ANGPT1: variants seen among roughly 807,000 people sequenced by gnomAD.
The protein encoded by ANGPT1 is angiopoietin-1.
Under a neutral mutation model 62.2 loss-of-function variants are expected in ANGPT1, and 17 were observed. That is an observed-to-expected ratio of 0.27 (90% confidence interval 0.19 to 0.41). The LOEUF (loss-of-function observed/expected upper bound fraction) is 0.41, where lower values mean the gene tolerates loss of function less well. Among genes scored for constraint, ANGPT1 ranks in the 10% least tolerant of loss-of-function variants. ANGPT1 has a pLI of 1.00. For missense variants in ANGPT1, 478 were observed against 594.9 expected, an observed-to-expected ratio of 0.80 and a Z score of 2.04; for synonymous variants, 199 against 198.9, an observed-to-expected ratio of 1.00 and a Z score of 0.00.
At chr8:107,404,991 T>C (rs773485342) in intron 1 of ANGPT1, among the ~76,000 whole-genome samples, 37 of 152,078 alleles carry the variant, frequency 2.4e-4, no homozygotes, top group Non-Finnish European at 4.7e-4. Context: ...TGCATTTATA[T>C]TGGGCTATTA....
chr8:107,348,786 T>C (rs558954484), intron 1 of ANGPT1, among the ~76,000 whole-genome samples: 4 of 152,164 alleles, frequency 2.6e-5, no homozygotes, highest in African/African-American at 9.7e-5. Context: ...AACTTTCTTT[T>C]GGGAAGTTAT....
chr8:107,360,279 C>T (rs924665529), intron 1 of ANGPT1, among the ~76,000 whole-genome samples: 5 of 152,148 alleles, frequency 3.3e-5, no homozygotes, highest in Non-Finnish European at 7.3e-5. Context: ...GAGGTAAGGT[C>T]TTGAGGTTCT....
At chr8:107,386,975 A>G (rs575715319) in intron 1 of ANGPT1, among the ~76,000 whole-genome samples, 29 of 152,214 alleles carry the variant, frequency 1.9e-4, no homozygotes, top group African/African-American at 6.5e-4. Context: ...GACACAAACT[A>G]TGTGCCAGCT....
intron 1 of ANGPT1, among the ~76,000 whole-genome samples, chr8:107,411,739 A>G (rs1279569010): frequency 1.3e-5 from 2 of 152,180 alleles, no homozygotes. Flanking sequence ...TAGGAGACAT[A>G]TTGGCTCAGA....
intron 7 of ANGPT1, among the ~76,000 whole-genome samples, chr8:107,266,409 C>T (rs1302170210): frequency 6.6e-6 from 1 of 152,174 alleles, no homozygotes; most frequent in Non-Finnish European, 1.5e-5. Context: ...ATGGTGGGGA[C>T]CCAGTCTCAT....
chr8:107,308,107 A>G (rs1313987025), intron 4 of ANGPT1, among the ~76,000 whole-genome samples: 1 of 152,226 alleles, frequency 6.6e-6, no homozygotes, highest in African/African-American at 2.4e-5. Flanking sequence ...ATATTGATGG[A>G]CATTTGCTAT....
intron 3 of ANGPT1, among the ~76,000 whole-genome samples, chr8:107,330,413 G>A (rs186455745): frequency 1.3e-5 from 2 of 152,252 alleles, no homozygotes; most frequent in South Asian, 2.1e-4. Context: ...AACTATTAGC[G>A]TGTATCCTCT....
In ANGPT1 at chr8:107,249,714, C is replaced by T. The variant is rs1021440011; in HGVS notation, c.*2141G>A. Reference sequence around the variant, plus strand: ...CTGATTTATTATAAATAATTGGAAACAATATTTCATTTCTCAAACCCAGAC... The same window carrying T: ...CTGATTTATTATAAATAATTGGAAATAATATTTCATTTCTCAAACCCAGAC... On this transcript the variant is annotated 3_prime_UTR_variant, in exon 9 of 9. Coordinates refer to ENST00000517746, the MANE Select transcript of ANGPT1 (RefSeq NM_001146.5). 5.3e-5 allele frequency: 8 copies of T among 152,040 alleles called. No homozygotes were observed. The highest frequency in any genetic ancestry group is 5.2e-4 in the Admixed American group (8 of 15,256). The allele number at this position is 152,040 out of a possible 1,614,324, so 9.4% of individuals were successfully genotyped here. A position where few individuals can be genotyped will look rare whatever the true frequency, so the allele number is the denominator to read the frequency against.
chr8:107,410,132 G>C (rs1300038009), intron 1 of ANGPT1, among the ~76,000 whole-genome samples: 1 of 152,146 alleles, frequency 6.6e-6, no homozygotes, highest in Non-Finnish European at 1.5e-5. Flanking sequence ...ACTTGTGCAG[G>C]CCAGCCTGGA....
chr8:107,317,782 C>T (rs1335090883), intron 4 of ANGPT1, among the ~76,000 whole-genome samples: 1 of 152,096 alleles, frequency 6.6e-6, no homozygotes, highest in Non-Finnish European at 1.5e-5. Flanking sequence ...AGGCATGTGC[C>T]ACCATGCCCA....
At chr8:107,453,412 G>C (rs539641502) in intron 1 of ANGPT1, among the ~76,000 whole-genome samples, 1 of 152,106 alleles carries the variant, frequency 6.6e-6, no homozygotes. Context: ...TCACAATTAT[G>C]GTGGAAGGCA....
chr8:107,286,073 T>A (rs1814133203), intron 6 of ANGPT1, among the ~76,000 whole-genome samples: 1 of 152,068 alleles, frequency 6.6e-6, no homozygotes, highest in Non-Finnish European at 1.5e-5. Flanking sequence ...AAAGTAACCT[T>A]AAAGCACAAT....
chr8:107,472,238 C>T (rs1325365172), intron 1 of ANGPT1, among the ~76,000 whole-genome samples: 1 of 151,946 alleles, frequency 6.6e-6, no homozygotes, highest in Non-Finnish European at 1.5e-5. Context: ...TTGACATTGA[C>T]TTTGATTACT....
chr8:107,444,720 T>C (rs1293950620), intron 1 of ANGPT1, among the ~76,000 whole-genome samples: 1 of 152,170 alleles, frequency 6.6e-6, no homozygotes, highest in East Asian at 1.9e-4. Context: ...ATCAGTTTTA[T>C]TACTTCACAA....
chr8:107,323,646 C>T (rs995459816), intron 3 of ANGPT1, among the ~76,000 whole-genome samples: 1 of 152,110 alleles, frequency 6.6e-6, no homozygotes, highest in African/African-American at 2.4e-5. Context: ...ATGCCAGAAA[C>T]CTTGTGGATG....
intron 6 of ANGPT1, among the ~76,000 whole-genome samples, chr8:107,291,778 C>T (rs1382432809): frequency 6.6e-6 from 1 of 150,942 alleles, no homozygotes; most frequent in Non-Finnish European, 1.5e-5. Flanking sequence ...TTTTATCCCT[C>T]ATATATTTTT....
rs535931501 is a variant in ANGPT1, at chr8:107,377,481, C to T, written c.298-30384G>A. Among the ~76,000 whole-genome samples, 9 of 152,298 alleles carry T rather than the reference C, an allele frequency of 5.9e-5. No individual in the cohort carries two copies. The South Asian group carries it at 1.7e-3, about 28-fold the overall frequency. ...ACTGACATTTAATCCATCACCAAACCTTACCTAGGGACTTTCTAAAGATAG... is the reference window on the plus strand; with the variant it reads ...ACTGACATTTAATCCATCACCAAACTTTACCTAGGGACTTTCTAAAGATAG... On this transcript the variant is annotated intron_variant, in intron 1 of 8. Coordinates refer to ENST00000517746, the MANE Select transcript of ANGPT1 (RefSeq NM_001146.5).
At chr8:107,423,778 GT>G (rs1810958757) in intron 1 of ANGPT1, among the ~76,000 whole-genome samples, 1 of 140,668 alleles carries the variant, frequency 7.1e-6, no homozygotes, top group Non-Finnish European at 1.5e-5. Context: ...CTAGTTGTTA[GT>G]TGTTAGAGTT....
chr8:107,424,000 C>T (rs1011476495), intron 1 of ANGPT1, among the ~76,000 whole-genome samples: 2 of 151,552 alleles, frequency 1.3e-5, no homozygotes, highest in African/African-American at 4.8e-5. Context: ...ACCACCACAT[C>T]GGGCTAATTT....
Sources: allele counts gnomAD v4.1 joint callset (sites outside exome capture counted in the v4.1 genomes callset), GRCh38; gene constraint gnomAD v4.1.1; transcripts MANE v1.5; gene names NCBI Gene and HGNC (gene_info 2026-07-23, HGNC 2026-07-21).